NCOA2: variants seen among roughly 807,000 people sequenced by gnomAD.
NCOA2 encodes the protein class E basic helix-loop-helix protein 75.
NCOA2 carries 21 observed loss-of-function variants against 145.1 expected under a neutral mutation model. The observed-to-expected ratio is 0.14, with a 90% confidence interval of 0.10 to 0.21. NCOA2 has a LOEUF of 0.21. Among genes scored for constraint, NCOA2 ranks in the 10% least tolerant of loss-of-function variants. The pLI is 1.00. For missense variants in NCOA2, 1,472 were observed against 1,837.6 expected (o/e 0.80, Z 3.64); for synonymous variants, 619 against 637.5 (o/e 0.97, Z 0.44).
chr8:70,228,326 C>T (rs1395640637), intron 2 of NCOA2, among the ~76,000 whole-genome samples: 2 of 152,194 alleles, frequency 1.3e-5, no homozygotes, highest in Non-Finnish European at 2.9e-5. Context: ...TGGGATTGTA[C>T]AGTGGAGTCC....
chr8:70,322,610 G>A (rs80039445), intron 1 of NCOA2, among the ~76,000 whole-genome samples: 3,119 of 152,234 alleles, frequency 0.02, 122 homozygotes, highest in African/African-American at 0.071. Flanking sequence ...CATATCTCAA[G>A]TATTTACTTC....
the NCOA2 span, among the ~76,000 whole-genome samples, chr8:70,440,714 AAG>A: frequency 6.6e-6 from 1 of 151,530 alleles, no homozygotes; most frequent in Non-Finnish European, 1.5e-5. Flanking sequence ...GAAAAGAAGA[AAG>A]AAAAAGAGGG....
intron 1 of NCOA2, among the ~76,000 whole-genome samples, chr8:70,321,779 G>GTTTCAGAATA (rs1806090175): frequency 1.8e-5 from 2 of 113,556 alleles, no homozygotes; most frequent in Middle Eastern, 5.6e-3. Flanking sequence ...GCTTTCCTAA[G>GTTTCAGAATA]TTTCAGAATA....
the NCOA2 span, among the ~76,000 whole-genome samples, chr8:70,451,149 C>T: frequency 2.2e-5 from 3 of 139,170 alleles, no homozygotes; most frequent in South Asian, 6.8e-4. Flanking sequence ...ACCCGGGAGG[C>T]GGAGCTTGCA....
chr8:70,114,758 AG>A (rs1806896697), intron 22 of NCOA2, among the ~76,000 whole-genome samples: 2 of 152,234 alleles, frequency 1.3e-5, no homozygotes, highest in Admixed American at 6.5e-5. Context: ...CTAGCCCATC[AG>A]GGCCATTAGA....
intron 4 of NCOA2, among the ~76,000 whole-genome samples, chr8:70,175,597 T>C (rs1313508624): frequency 3.9e-5 from 6 of 152,250 alleles, no homozygotes; most frequent in African/African-American, 1.2e-4. Context: ...AATGAGAATG[T>C]TTTGTGAAAA....
chr8:70,187,014 T>C (rs1209126124), intron 4 of NCOA2, among the ~76,000 whole-genome samples: 2 of 152,226 alleles, frequency 1.3e-5, no homozygotes, highest in Non-Finnish European at 2.9e-5. Flanking sequence ...CTCTCCAATT[T>C]AAGCAGGCAT....
chr8:70,221,905 C>A (rs899242068), intron 2 of NCOA2, among the ~76,000 whole-genome samples: 1 of 152,104 alleles, frequency 6.6e-6, no homozygotes, highest in African/African-American at 2.4e-5. Context: ...GGACATGACA[C>A]AATATTTTTA....
At chr8:70,319,504 T>C (rs987886500) in intron 1 of NCOA2, among the ~76,000 whole-genome samples, 8 of 150,928 alleles carry the variant, frequency 5.3e-5, no homozygotes, top group Non-Finnish European at 1.0e-4. Context: ...ATGACACCAC[T>C]GCACACTAGC....
Position 70,162,821 on chromosome 8 carries a change from C to T in NCOA2, c.866G>A (p.Arg289Lys). ...CTCCCAGCCTGGTTTCATGGCTGCTCTCATGGTGCTGGTATCCAGAGACGT... is the reference window on the plus strand; with the variant it reads ...CTCCCAGCCTGGTTTCATGGCTGCTTTCATGGTGCTGGTATCCAGAGACGT... ...KITSLDTSTMRAAMKPGWEDL... is the reference protein window; with the variant it reads ...KITSLDTSTMKAAMKPGWEDL... Residue 289 changes from arginine (R) to lysine (K), a missense_variant, in exon 9 of 23, where the codon AGA becomes AAA. Around this residue, in one of 4 missense-constraint regions of NCOA2, gnomAD observed 284 missense variants for 467.8 expected, o/e 0.61. Coordinates refer to ENST00000452400, the MANE Select transcript of NCOA2 (RefSeq NM_006540.4). 6.2e-7 allele frequency: 1 copy of T among 1,613,700 alleles called. No individual in the cohort carries two copies. Among genetic ancestry groups the T allele is most frequent in the Non-Finnish European group, 8.5e-7 (1 of 1,179,816 alleles).
At chr8:70,368,671 CTG>C (rs556392907) in intron 1 of NCOA2, among the ~76,000 whole-genome samples, 14 of 152,276 alleles carry the variant, frequency 9.2e-5, no homozygotes, top group Middle Eastern at 3.4e-3. Flanking sequence ...ACATAACAAA[CTG>C]TATTTATATA....
chr8:70,321,793 CTTTTTTTTTTTT>C (rs559680322), intron 1 of NCOA2, among the ~76,000 whole-genome samples: 121 of 73,576 alleles, frequency 1.6e-3, no homozygotes, highest in African/African-American at 5.3e-3. Flanking sequence ...CAGAATATAC[CTTTTTTTTTTTT>C]TTTTTTTTTT....
At chr8:70,318,586 A>G (rs867774870) in intron 1 of NCOA2, among the ~76,000 whole-genome samples, 35 of 152,236 alleles carry the variant, frequency 2.3e-4, no homozygotes, top group Middle Eastern at 6.8e-3. Flanking sequence ...GCAACTAGGC[A>G]AAATCCCATC....
chr8:70,261,452 G>A (rs918105078), intron 2 of NCOA2, among the ~76,000 whole-genome samples: 2 of 151,828 alleles, frequency 1.3e-5, no homozygotes, highest in African/African-American at 4.8e-5. Context: ...GGGGTGGGGG[G>A]AGGCGGGAGG....
chr8:70,254,367 G>A (rs1823452330), intron 2 of NCOA2, among the ~76,000 whole-genome samples: 1 of 152,154 alleles, frequency 6.6e-6, no homozygotes, highest in Non-Finnish European at 1.5e-5. Flanking sequence ...TCCACTTCTG[G>A]GTATGTATCC....
intron 1 of NCOA2, among the ~76,000 whole-genome samples, chr8:70,305,167 G>A (rs1455341981): frequency 2.0e-5 from 3 of 150,782 alleles, no homozygotes; most frequent in South Asian, 2.1e-4. Context: ...TTTTACAGGC[G>A]TGACCCACCA....
intron 1 of NCOA2, among the ~76,000 whole-genome samples, chr8:70,369,869 T>G (rs1811054206): frequency 6.6e-6 from 1 of 151,486 alleles, no homozygotes. Flanking sequence ...GAATAGTGCC[T>G]CATTAATCTT....
chr8:70,450,803 G>T, the NCOA2 span, among the ~76,000 whole-genome samples: 4 of 150,996 alleles, frequency 2.6e-5, no homozygotes, highest in Admixed American at 6.6e-5. Flanking sequence ...TTGACCTCAG[G>T]TTACCCACCC....
At chr8:70,253,912 A>C (rs981329755) in intron 2 of NCOA2, among the ~76,000 whole-genome samples, 2 of 152,210 alleles carry the variant, frequency 1.3e-5, no homozygotes, top group Non-Finnish European at 2.9e-5. Flanking sequence ...TCAAAATTAA[A>C]AATTTTCGGG....
Sources: gnomAD v4.1 joint callset for allele counts (sites outside exome capture counted in the v4.1 genomes callset) on GRCh38, gnomAD v4.1.1 for gene constraint, gnomAD v4.1.1 regional missense constraint, MANE v1.5 for transcripts, NCBI Gene and HGNC (gene_info 2026-07-23, HGNC 2026-07-21) for gene names.